Variants in CDH13 observed in about 807,000 individuals in gnomAD.
The protein encoded by CDH13 is cadherin-13.
CDH13 carries 24 observed loss-of-function variants against 63.8 expected under a neutral mutation model. The ratio of observed to expected loss-of-function variants is 0.38; its 90% CI spans 0.27 to 0.53. The LOEUF is 0.53. Among genes scored for constraint, CDH13 ranks in the 20% least tolerant of loss-of-function variants. The pLI is 0.85. For synonymous variants in CDH13, 503 were observed against 355.3 expected, an observed-to-expected ratio of 1.42 and a Z score of -4.67; for missense variants, 1,049 against 903.1, an observed-to-expected ratio of 1.16 and a Z score of -2.07.
At chr16:83,368,938 A>G (rs111838458) in intron 6 of CDH13, among the ~76,000 whole-genome samples, 3,755 of 54,950 alleles carry the variant, frequency 0.068, 223 homozygotes, top group Non-Finnish European at 0.1. Context: ...ATATATATAT[A>G]CTAGGTTTTT....
At chr16:83,392,185 A>C (rs2091801083) in intron 6 of CDH13, among the ~76,000 whole-genome samples, 1 of 152,130 alleles carries the variant, frequency 6.6e-6, no homozygotes, top group South Asian at 2.1e-4. Flanking sequence ...TCCTGGCCCC[A>C]CTGCCTCATA....
chr16:82,802,322 T>A (rs1029137972), intron 1 of CDH13, among the ~76,000 whole-genome samples: 1 of 152,158 alleles, frequency 6.6e-6, no homozygotes, highest in African/African-American at 2.4e-5. Context: ...CAACCAGCAT[T>A]ACAGATAACC....
At chr16:83,569,979 C>T (rs1050554137) in intron 7 of CDH13, among the ~76,000 whole-genome samples, 7 of 152,196 alleles carry the variant, frequency 4.6e-5, no homozygotes, top group African/African-American at 7.2e-5. Flanking sequence ...TCGTGATCTT[C>T]CTGCCTTGGC....
At chr16:82,897,585 G>A (rs550444568) in intron 2 of CDH13, among the ~76,000 whole-genome samples, 2 of 152,174 alleles carry the variant, frequency 1.3e-5, no homozygotes, top group Admixed American at 1.3e-4. Context: ...CTCCAGATAG[G>A]TTATGCAACT....
chr16:83,138,095 G>A (rs1030970185), intron 4 of CDH13, among the ~76,000 whole-genome samples: 1 of 152,094 alleles, frequency 6.6e-6, no homozygotes, highest in Non-Finnish European at 1.5e-5. Flanking sequence ...GTTCCCATCT[G>A]TGAGTGTTGC....
intron 6 of CDH13, among the ~76,000 whole-genome samples, chr16:83,364,616 T>A (rs1452324785): frequency 6.6e-6 from 1 of 152,176 alleles, no homozygotes; most frequent in Non-Finnish European, 1.5e-5. Context: ...AAAATGGAGC[T>A]GGAACTCCAT....
intron 5 of CDH13, among the ~76,000 whole-genome samples, chr16:83,268,853 C>T (rs555101667): frequency 6.6e-6 from 1 of 152,236 alleles, no homozygotes; most frequent in East Asian, 1.9e-4. Context: ...AGCTGCTCTG[C>T]TCACCTACCC....
intron 8 of CDH13, among the ~76,000 whole-genome samples, chr16:83,614,121 A>T (rs1475277771): frequency 6.6e-6 from 1 of 152,154 alleles, no homozygotes; most frequent in East Asian, 1.9e-4. Context: ...GACAACATAT[A>T]TGAAAATGTT....
chr16:82,991,559 A>C (rs1179881703), intron 2 of CDH13, among the ~76,000 whole-genome samples: 1 of 152,166 alleles, frequency 6.6e-6, no homozygotes, highest in African/African-American at 2.4e-5. Context: ...GACTACTGCA[A>C]TCCCTCATCT....
chr16:83,242,010 G>C (rs28583856), intron 5 of CDH13, among the ~76,000 whole-genome samples: 1 of 152,016 alleles, frequency 6.6e-6, no homozygotes, highest in Non-Finnish European at 1.5e-5. Context: ...GCTGATTTTT[G>C]TATACGGCAT....
At chr16:83,002,765 T>G (rs1913074924) in intron 2 of CDH13, among the ~76,000 whole-genome samples, 1 of 152,030 alleles carries the variant, frequency 6.6e-6, no homozygotes, top group African/African-American at 2.4e-5. Flanking sequence ...ATGTGCCGTG[T>G]AGGTATGTGG....
At chr16:83,599,899 G>T (rs938219681) in intron 7 of CDH13, among the ~76,000 whole-genome samples, 1 of 152,150 alleles carries the variant, frequency 6.6e-6, no homozygotes, top group Non-Finnish European at 1.5e-5. Flanking sequence ...CACATGTTCA[G>T]AGACACTCGG....
At chr16:82,985,825 A>G (rs1901494335) in intron 2 of CDH13, among the ~76,000 whole-genome samples, 1 of 152,122 alleles carries the variant, frequency 6.6e-6, no homozygotes, top group Admixed American at 6.6e-5. Context: ...TTCTCATGAT[A>G]GTGAGTGAGT....
At chr16:82,709,921 G>A (rs2151004125) in intron 1 of CDH13, among the ~76,000 whole-genome samples, 1 of 152,084 alleles carries the variant, frequency 6.6e-6, no homozygotes, top group East Asian at 1.9e-4. Context: ...AGCCCCAGAA[G>A]GGCTCTAGAT....
intron 3 of CDH13, among the ~76,000 whole-genome samples, chr16:83,089,877 C>T (rs186669106): frequency 6.6e-6 from 1 of 152,106 alleles, no homozygotes; most frequent in African/African-American, 2.4e-5. Context: ...GATTTCAAGT[C>T]TCTGGGATAG....
chr16:83,429,684 C>G (rs1187023680), intron 6 of CDH13, among the ~76,000 whole-genome samples: 3 of 152,216 alleles, frequency 2.0e-5, no homozygotes, highest in African/African-American at 7.2e-5. Flanking sequence ...AACTTGTGCT[C>G]TGCTTCTGTA....
At chr16:83,538,116 T>G (rs1462467964) in intron 7 of CDH13, among the ~76,000 whole-genome samples, 1 of 152,198 alleles carries the variant, frequency 6.6e-6, no homozygotes, top group African/African-American at 2.4e-5. Context: ...TTAAATTACC[T>G]GCTGTGTCTA....
At chr16:83,433,704 T>C (rs777654065) in intron 6 of CDH13, among the ~76,000 whole-genome samples, 1 of 152,160 alleles carries the variant, frequency 6.6e-6, no homozygotes, top group Non-Finnish European at 1.5e-5. Flanking sequence ...CGGTGACAAA[T>C]GTGGCAAACA....
At chr16:83,024,167 C>T (rs1003605821) in intron 2 of CDH13, among the ~76,000 whole-genome samples, 2 of 152,080 alleles carry the variant, frequency 1.3e-5, no homozygotes, top group Admixed American at 6.6e-5. Context: ...CCAGCATTTC[C>T]AGAGGGTACA....
Sources: allele counts gnomAD v4.1 joint callset (sites outside exome capture counted in the v4.1 genomes callset), GRCh38; gene constraint gnomAD v4.1.1; transcripts MANE v1.5; gene names NCBI Gene and HGNC (gene_info 2026-07-23, HGNC 2026-07-21).